The following SLC35F1 variants were observed in gnomAD, a reference collection of about 807,000 sequenced individuals.
SLC35F1 encodes solute carrier family 35 member F1, also known as chromosome 6 open reading frame 169.
In SLC35F1, 14 loss-of-function variants were observed where a neutral mutation model predicts 48.7. The observed-to-expected ratio is 0.29, with a 90% CI of 0.19 to 0.45. SLC35F1 has a LOEUF of 0.45. SLC35F1 is among the 20% of genes least tolerant of loss of function. SLC35F1 has a pLI of 1.00. For missense variants in SLC35F1, 404 were observed against 500.0 expected (o/e 0.81, Z 1.83); for synonymous variants, 190 against 202.2 (o/e 0.94, Z 0.51).
chr6:118,183,690 G>A (rs545777375), intron 2 of SLC35F1, among the ~76,000 whole-genome samples: 3 of 152,040 alleles, frequency 2.0e-5, no homozygotes, highest in African/African-American at 7.2e-5. Context: ...TCTCAAACTA[G>A]GTAATTCAAG....
intron 1 of SLC35F1, among the ~76,000 whole-genome samples, chr6:117,996,630 C>A (rs1434545644): frequency 6.6e-6 from 1 of 152,208 alleles, no homozygotes; most frequent in Non-Finnish European, 1.5e-5. Context: ...TCATGAAAAT[C>A]TGCTGTTCTG....
intron 1 of SLC35F1, among the ~76,000 whole-genome samples, chr6:118,131,218 T>C (rs897480965): frequency 6.6e-6 from 1 of 151,224 alleles, no homozygotes; most frequent in African/African-American, 2.4e-5. Context: ...TATTGATTCA[T>C]CAAAGTTGTA....
At chr6:118,293,961 G>T (rs191275853) in intron 7 of SLC35F1, among the ~76,000 whole-genome samples, 1 of 152,304 alleles carries the variant, frequency 6.6e-6, no homozygotes, top group East Asian at 1.9e-4. Flanking sequence ...TGGCTTCTGT[G>T]TATGCTTTAA....
rs1181602033 is a variant in SLC35F1, at chr6:118,285,262, C to T, written c.926C>T (p.Ala309Val). 6.2e-7 allele frequency: 1 copy of T among 1,613,986 alleles called. No homozygotes were observed. Among genetic ancestry groups the T allele is most frequent in the Non-Finnish European group, 8.5e-7 (1 of 1,179,902 alleles). ...FMPVVIKKTS[A>V]TSVNLSLLTA... The stretch of plus-strand genomic sequence containing the variant: ...CCAGTCGTCATAAAGAAAACCAGTG[C>T]CACTTCAGTCAACCTCTCCTTGCTC... Residue 309 changes from alanine to valine, a missense_variant, in exon 7 of 8, where the codon GCC becomes GTC. Ala to Val is a moderately conservative substitution (Grantham distance 64). Coordinates refer to ENST00000360388, the MANE Select transcript of SLC35F1 (RefSeq NM_001029858.4).
intron 1 of SLC35F1, among the ~76,000 whole-genome samples, chr6:118,050,456 G>A (rs1186409001): frequency 6.6e-6 from 1 of 151,816 alleles, no homozygotes; most frequent in Non-Finnish European, 1.5e-5. Context: ...GAATAGCAGA[G>A]AGAATGAAAG....
rs1300972981 is a variant in SLC35F1 at position 118,001,782 on chromosome 6, TG to T, written c.173+93886del. Among the ~76,000 whole-genome samples, 6 of 151,942 alleles carry T rather than the reference TG, an allele frequency of 3.9e-5. No individual in the cohort carries two copies. In the East Asian group the frequency reaches 1.2e-3, roughly 29 times the overall value. ...AAAAACAAACAACCCCATCAAAAAGTGGGCGAAGGATATGAACAGACGCTTC... is the reference window on the plus strand; with the variant it reads ...AAAAACAAACAACCCCATCAAAAAGTGGCGAAGGATATGAACAGACGCTTC... On this transcript the variant is annotated intron_variant, in intron 1 of 7. Transcript: ENST00000360388.
chr6:117,923,941 T>G (rs1315280308), intron 1 of SLC35F1, among the ~76,000 whole-genome samples: 2 of 150,034 alleles, frequency 1.3e-5, no homozygotes, highest in Non-Finnish European at 3.0e-5. Flanking sequence ...ATGTACTAGA[T>G]TGACACTTTA....
chr6:118,115,483 A>G (rs981332206), intron 1 of SLC35F1, among the ~76,000 whole-genome samples: 2 of 152,202 alleles, frequency 1.3e-5, no homozygotes, highest in Non-Finnish European at 1.5e-5. Context: ...GTATTTTACA[A>G]TACACACAAC....
intron 1 of SLC35F1, among the ~76,000 whole-genome samples, chr6:117,984,240 C>T (rs1275982379): frequency 1.3e-5 from 2 of 151,972 alleles, no homozygotes; most frequent in Non-Finnish European, 2.9e-5. Context: ...ATTGTTTTCA[C>T]AATTTTAAAT....
chr6:118,131,246 CA>C (rs142347316), intron 1 of SLC35F1, among the ~76,000 whole-genome samples: 5 of 151,694 alleles, frequency 3.3e-5, no homozygotes, highest in East Asian at 1.9e-4. Context: ...AAGCATAAAA[CA>C]AAAAAAATCT....
intron 1 of SLC35F1, among the ~76,000 whole-genome samples, chr6:118,072,408 C>T (rs1772746411): frequency 6.6e-6 from 1 of 151,858 alleles, no homozygotes; most frequent in Admixed American, 6.6e-5. Context: ...ACTAAAAATA[C>T]AAAAAATTAG....
chr6:118,070,809 A>G (rs1024694537), intron 1 of SLC35F1, among the ~76,000 whole-genome samples: 2 of 147,102 alleles, frequency 1.4e-5, no homozygotes, highest in African/African-American at 5.0e-5. Flanking sequence ...GTGATATTAT[A>G]TACTATATAT....
intron 1 of SLC35F1, among the ~76,000 whole-genome samples, chr6:117,923,844 A>C (rs961876181): frequency 1.0e-5 from 1 of 96,240 alleles, no homozygotes; most frequent in Non-Finnish European, 2.1e-5. Context: ...CACATTACAT[A>C]TATGCACATA....
intron 2 of SLC35F1, among the ~76,000 whole-genome samples, chr6:118,184,416 A>AAC (rs1774627923): frequency 6.6e-6 from 1 of 152,214 alleles, no homozygotes; most frequent in South Asian, 2.1e-4. Context: ...GTAACACACT[A>AAC]AGTGAAACCT....
At chr6:118,157,330 G>A (rs1266166635) in intron 2 of SLC35F1, among the ~76,000 whole-genome samples, 1 of 152,120 alleles carries the variant, frequency 6.6e-6, no homozygotes, top group East Asian at 1.9e-4. Flanking sequence ...ACCCTGAATA[G>A]GAAACCAGCC....
intron 7 of SLC35F1, among the ~76,000 whole-genome samples, chr6:118,295,731 A>AT (rs1454227076): frequency 1.3e-5 from 2 of 152,194 alleles, no homozygotes; most frequent in African/African-American, 4.8e-5. Context: ...AAGGCTATGG[A>AT]TGTTAAGCTT....
At chr6:117,907,952 G>C (rs1428221514) in intron 1 of SLC35F1, 53 bp downstream of exon 1, 2 of 1,289,190 alleles carry the variant, frequency 1.6e-6, no homozygotes, top group Admixed American at 4.3e-5. Context: ...CGGGCGCCCG[G>C]CTCCGGGTCC....
chr6:118,130,316 G>T (rs978485933), intron 1 of SLC35F1, among the ~76,000 whole-genome samples: 2 of 152,082 alleles, frequency 1.3e-5, no homozygotes, highest in African/African-American at 4.8e-5. Flanking sequence ...TTCTTAAGAG[G>T]CGTGTGCTTC....
Position 117,907,835 on chromosome 6 carries a change from G to T in SLC35F1, c.109G>T (p.Gly37Cys). The change falls in exon 1 of 8, where the codon GGC (glycine) becomes TGC (cysteine). Residue 37 changes from glycine to cysteine, a missense_variant. This residue lies in a region of SLC35F1 where 98 missense variants were observed against 81.0 expected (regional missense o/e 1.21). Coordinates refer to ENST00000360388, the MANE Select transcript of SLC35F1 (RefSeq NM_001029858.4). Reference sequence around the variant, plus strand: ...CCTGCCGGCCGAGGGCAGCGGCGGCGGCGGGAGCCTGTCCGCCTCCTCCCG... The same window carrying T: ...CCTGCCGGCCGAGGGCAGCGGCGGCTGCGGGAGCCTGTCCGCCTCCTCCCG... ...ENLPAEGSGG[G>C]GSLSASSRAG... The T allele has an allele frequency of 1.3e-6, 2 of 1,539,210 alleles. No individual in the cohort carries two copies.
Sources: gnomAD v4.1 joint callset for allele counts (sites outside exome capture counted in the v4.1 genomes callset) on GRCh38, gnomAD v4.1.1 for gene constraint, gnomAD v4.1.1 regional missense constraint, MANE v1.5 for transcripts, NCBI Gene and HGNC (gene_info 2026-07-23, HGNC 2026-07-21) for gene names.